The following ARID2 variants were observed in gnomAD, a reference collection of about 807,000 sequenced individuals.
ARID2 encodes AT-rich interaction domain 2, also known as AT-rich interactive domain-containing protein 2.
ARID2 carries 32 observed loss-of-function variants against 184.6 expected under a neutral mutation model. The observed-to-expected ratio is 0.17, with a 90% CI of 0.13 to 0.23. ARID2 has a LOEUF of 0.23. Ranked by LOEUF, ARID2 falls within the 10% of genes least tolerant of loss-of-function variation. ARID2 has a pLI of 1.00. For missense variants in ARID2, 1,696 were observed against 2,197.6 expected, an observed-to-expected ratio of 0.77 and a Z score of 4.56; for synonymous variants, 836 against 772.6, an observed-to-expected ratio of 1.08 and a Z score of -1.36.
At position 45,771,259 on chromosome 12, in the gene ARID2, G is replaced by C. The variant is rs1028025574; in HGVS notation, c.284+39945G>C. ...TGTGATCCCAACTACTCAGGAGGCT[G>C]AGGCAGGAGAATCGCTTGAGCCCGG... On this transcript the variant is annotated intron_variant, in intron 3 of 20. Coordinates refer to ENST00000334344, the MANE Select transcript of ARID2 (RefSeq NM_152641.4). Among the ~76,000 whole-genome samples, 3 of 151,930 alleles carry C rather than the reference G, an allele frequency of 2.0e-5. No individual in the cohort carries two copies. The South Asian group carries it at 6.2e-4, about 31-fold the overall frequency.
intron 3 of ARID2, among the ~76,000 whole-genome samples, chr12:45,793,321 A>C (rs79909958): frequency 6.9e-6 from 1 of 145,584 alleles, no homozygotes; most frequent in Non-Finnish European, 1.5e-5. Context: ...CTTATTTTGT[A>C]TTTTTATCTC....
At chr12:45,768,596 G>C (rs76959311) in intron 3 of ARID2, among the ~76,000 whole-genome samples, 2,973 of 152,210 alleles carry the variant, frequency 0.02, 98 homozygotes, top group African/African-American at 0.068. Context: ...AGGCCTAAGA[G>C]TATTCAAAAA....
intron 6 of ARID2, among the ~76,000 whole-genome samples, chr12:45,825,728 G>C (rs868460145): frequency 1.3e-5 from 2 of 152,098 alleles, no homozygotes; most frequent in African/African-American, 4.8e-5. Flanking sequence ...GTTGGGCATC[G>C]TGGTGCATGA....
At chr12:45,877,434 C>T (rs971135869) in intron 16 of ARID2, among the ~76,000 whole-genome samples, 1 of 151,874 alleles carries the variant, frequency 6.6e-6, no homozygotes, top group Non-Finnish European at 1.5e-5. Context: ...TCTCCCATCA[C>T]CCCCAGATGG....
rs534808367 is a variant in ARID2, at chr12:45,792,122, A to G, written c.285-19296A>G. The stretch of plus-strand genomic sequence containing the variant: ...TTCCCTTCTATTTTAAAACCCTTTT[A>G]GAGATGGATGCTCATAATTAATTTT... On this transcript the variant is annotated intron_variant, in intron 3 of 20. Coordinates refer to ENST00000334344, the MANE Select transcript of ARID2 (RefSeq NM_152641.4). Among the ~76,000 whole-genome samples the G allele has an allele frequency of 2.0e-5, 3 of 152,190 alleles. No homozygotes were observed. The South Asian group carries it at 6.2e-4, about 31-fold the overall frequency.
rs1943544775 is a variant in ARID2, at chr12:45,851,301, A to G, written c.3178A>G (p.Ile1060Val). 1 of 1,614,070 alleles carries G rather than the reference A, an allele frequency of 6.2e-7. No homozygotes were observed. Among genetic ancestry groups the G allele is most frequent in the Non-Finnish European group, 8.5e-7 (1 of 1,180,028 alleles). ...GCCTGCCTCTGGTGAGTCGAGTCTGATTAAACAGCTTCTGCTTCCGAAACG... is the reference window on the plus strand; with the variant it reads ...GCCTGCCTCTGGTGAGTCGAGTCTGGTTAAACAGCTTCTGCTTCCGAAACG... The part of the protein sequence containing the change: ...GQPASGESSL[I>V]KQLLLPKRGP... The change falls in exon 15 of 21, where the codon ATT (isoleucine) becomes GTT (valine). Residue 1060 changes from isoleucine (I) to valine (V), a missense_variant. This residue lies in a region of ARID2 where 713 missense variants were observed against 824.4 expected (regional missense o/e 0.86). Coordinates refer to ENST00000334344, the MANE Select transcript of ARID2 (RefSeq NM_152641.4).
intron 20 of ARID2, among the ~76,000 whole-genome samples, chr12:45,898,237 T>G (rs555013156): frequency 6.6e-6 from 1 of 152,072 alleles, no homozygotes; most frequent in Admixed American, 6.6e-5. Context: ...GTCAAATGCA[T>G]AGAGACAGAA....
chr12:45,758,263 C>A (rs1565584958), intron 3 of ARID2, among the ~76,000 whole-genome samples: 1 of 152,180 alleles, frequency 6.6e-6, no homozygotes, highest in Non-Finnish European at 1.5e-5. Flanking sequence ...CATAGACTTT[C>A]TAATAACTCT....
At chr12:45,795,582 G>C (rs536252199) in intron 3 of ARID2, among the ~76,000 whole-genome samples, 2 of 151,930 alleles carry the variant, frequency 1.3e-5, no homozygotes, top group Non-Finnish European at 2.9e-5. Flanking sequence ...ACAGGCGCCC[G>C]CCACCACGCC....
In ARID2 at chr12:45,901,154, A is replaced by ATTTTTT. The variant is rs71067909; in HGVS notation, c.5364-3751_5364-3746dup. On this transcript the variant is annotated intron_variant, in intron 20 of 20. Coordinates refer to ENST00000334344, the MANE Select transcript of ARID2 (RefSeq NM_152641.4). The stretch of plus-strand genomic sequence containing the variant: ...AATCTATTTTTTGGAAATTTCCTTA[A>ATTTTTT]TTTTTTTTTTTTTTTTTTTTTTTTT... Among the ~76,000 whole-genome samples, 26 of 44,962 alleles carry ATTTTTT rather than the reference A, an allele frequency of 5.8e-4. 6 individuals carry two copies. The highest frequency in any genetic ancestry group is 7.0e-4 in the African/African-American group (5 of 7,158). 29.5% of individuals were successfully genotyped at this position (44,962 alleles called of 152,430 possible). A position where few individuals can be genotyped will look rare whatever the true frequency, so the allele number is the denominator to read the frequency against.
chr12:45,737,626 A>G (rs751022233), intron 3 of ARID2, among the ~76,000 whole-genome samples: 8 of 151,820 alleles, frequency 5.3e-5, no homozygotes, highest in South Asian at 2.1e-4. Context: ...TGATGCTAAG[A>G]TTGAACAGTG....
chr12:45,897,920 C>T (rs1195672971), intron 20 of ARID2, among the ~76,000 whole-genome samples: 1 of 151,946 alleles, frequency 6.6e-6, no homozygotes, highest in East Asian at 1.9e-4. Flanking sequence ...TCATGGCTCA[C>T]TGCAGTCTTG....
At chr12:45,865,554 T>G (rs1054032375) in intron 16 of ARID2, among the ~76,000 whole-genome samples, 40 of 152,142 alleles carry the variant, frequency 2.6e-4, no homozygotes, top group African/African-American at 9.2e-4. Context: ...TTTTTCATTA[T>G]TGCTTCAGGA....
chr12:45,862,105 G>A (rs1943760011), intron 16 of ARID2, among the ~76,000 whole-genome samples: 1 of 152,126 alleles, frequency 6.6e-6, no homozygotes, highest in East Asian at 1.9e-4. Flanking sequence ...AATATCTATA[G>A]GATAGCAATG....
chr12:45,823,774 A>G (rs1942941309), intron 6 of ARID2, among the ~76,000 whole-genome samples: 1 of 152,142 alleles, frequency 6.6e-6, no homozygotes, highest in Non-Finnish European at 1.5e-5. Context: ...AAAGAGTAAC[A>G]AGATTGAATC....
intron 12 of ARID2, among the ~76,000 whole-genome samples, chr12:45,848,017 G>A (rs1443083246): frequency 6.6e-6 from 1 of 151,992 alleles, no homozygotes; most frequent in African/African-American, 2.4e-5. Context: ...TATAAAATGT[G>A]TATGTGTTAA....
Position 45,753,842 on chromosome 12 carries a change from CCTT to C in ARID2, c.284+22529_284+22531del, listed in dbSNP as rs376890762. On this transcript the variant is annotated intron_variant, in intron 3 of 20. Coordinates refer to ENST00000334344, the MANE Select transcript of ARID2 (RefSeq NM_152641.4). ...CTCCTGGACTCAAGCGATCTGCCCT[CCTT>C]GGCCTTCCAAAGTGCTGGAATTATA... Among the ~76,000 whole-genome samples the C allele has an allele frequency of 1.4e-3, 220 of 152,282 alleles. 3 individuals carry two copies. The South Asian group carries it at 0.016, about 11-fold the overall frequency.
chr12:45,784,884 T>C (rs1259781653), intron 3 of ARID2, among the ~76,000 whole-genome samples: 1 of 152,224 alleles, frequency 6.6e-6, no homozygotes, highest in African/African-American at 2.4e-5. Flanking sequence ...CCACAGTTGT[T>C]ATTATCCATA....
intron 3 of ARID2, among the ~76,000 whole-genome samples, chr12:45,765,532 T>C (rs1941756418): frequency 6.6e-6 from 1 of 151,800 alleles, no homozygotes; most frequent in African/African-American, 2.4e-5. Flanking sequence ...TTTTTTTTAA[T>C]TGAATTTTGT....
Sources: allele counts gnomAD v4.1 joint callset (sites outside exome capture counted in the v4.1 genomes callset), GRCh38; gene constraint gnomAD v4.1.1; regional missense constraint gnomAD v4.1.1; transcripts MANE v1.5; gene names NCBI Gene and HGNC (gene_info 2026-07-23, HGNC 2026-07-21).